Variants in TPTE observed in about 807,000 individuals in gnomAD.
TPTE encodes the protein transmembrane phosphatase with tensin homology.
Under a neutral mutation model 84.1 loss-of-function variants are expected in TPTE, and 59 were observed. That is an observed-to-expected ratio of 0.70 (90% CI 0.57 to 0.87). TPTE has a LOEUF of 0.87. TPTE is among the 40% of genes least tolerant of loss of function. The pLI is 0.00. For missense variants in TPTE, 382 were observed against 659.6 expected (o/e 0.58, Z 4.61); for synonymous variants, 130 against 223.5 (o/e 0.58, Z 3.73).
chr21:10,550,724 T>TG (rs2074557048), intron 7 of TPTE, among the ~76,000 whole-genome samples: 1 of 152,298 alleles, frequency 6.6e-6, no homozygotes, highest in African/African-American at 2.4e-5. Flanking sequence ...ACATCAGACT[T>TG]AAACTCCACC....
chr21:10,549,990 A>G (rs376674364), intron 7 of TPTE, among the ~76,000 whole-genome samples: 11 of 152,422 alleles, frequency 7.2e-5, no homozygotes, highest in African/African-American at 2.4e-4. Context: ...ACCTTAGGCT[A>G]GAAGAGAATG....
chr21:10,548,455 C>G (rs371060881), intron 7 of TPTE, among the ~76,000 whole-genome samples: 1 of 152,300 alleles, frequency 6.6e-6, no homozygotes, highest in Non-Finnish European at 1.5e-5. Context: ...TTAGGCCAGC[C>G]GAGCAGCCTC....
intron 13 of TPTE, 114 bp downstream of exon 13, chr21:10,569,860 A>AT: frequency 6.2e-7 from 1 of 1,604,650 alleles, no homozygotes; most frequent in Admixed American, 1.7e-5. Flanking sequence ...ATTCATGAGG[A>AT]TATATGCTAC....
chr21:10,540,206 GGA>G, intron 4 of TPTE, among the ~76,000 whole-genome samples: 1 of 152,308 alleles, frequency 6.6e-6, no homozygotes, highest in African/African-American at 2.4e-5. Context: ...GTGATACCAA[GGA>G]ATACAGTTAT....
chr21:10,528,657 C>G (rs1336764238), intron 3 of TPTE, among the ~76,000 whole-genome samples: 2 of 152,308 alleles, frequency 1.3e-5, no homozygotes. Context: ...TTGTGTTATA[C>G]TCAGAAAGTT....
intron 3 of TPTE, among the ~76,000 whole-genome samples, chr21:10,527,640 C>T (rs1436321110): frequency 6.6e-6 from 1 of 152,306 alleles, no homozygotes; most frequent in South Asian, 2.1e-4. Flanking sequence ...ATGAGACTCT[C>T]TTCAAGAGTG....
intron 17 of TPTE, among the ~76,000 whole-genome samples, chr21:10,584,257 A>G (rs2075321754): frequency 6.6e-6 from 1 of 151,306 alleles, no homozygotes; most frequent in Non-Finnish European, 1.5e-5. Context: ...TAAAATGTTT[A>G]TTTTCTAAAT....
intron 8 of TPTE, among the ~76,000 whole-genome samples, chr21:10,557,596 C>A (rs1400319316): frequency 6.6e-6 from 1 of 152,306 alleles, no homozygotes; most frequent in East Asian, 1.9e-4. Flanking sequence ...CCTCTTTTGG[C>A]CAATTGATCC....
chr21:10,536,800 C>T (rs1294109542), intron 3 of TPTE, among the ~76,000 whole-genome samples: 5 of 152,422 alleles, frequency 3.3e-5, no homozygotes, highest in Middle Eastern at 3.4e-3. Context: ...GTCTTGTCAC[C>T]CTTAGTAGCA....
At chr21:10,579,673 T>A (rs2075236531) in intron 17 of TPTE, among the ~76,000 whole-genome samples, 1 of 152,310 alleles carries the variant, frequency 6.6e-6, no homozygotes. Flanking sequence ...TCACTTAACA[T>A]AATGTTCTCC....
chr21:10,529,507 T>C (rs2074139840), intron 3 of TPTE, among the ~76,000 whole-genome samples: 1 of 152,282 alleles, frequency 6.6e-6, no homozygotes, highest in Non-Finnish European at 1.5e-5. Flanking sequence ...TTTCTTATTG[T>C]TAAGTTATTC....
chr21:10,526,332 G>A (rs1459470557), intron 2 of TPTE, among the ~76,000 whole-genome samples: 1 of 152,306 alleles, frequency 6.6e-6, no homozygotes, highest in African/African-American at 2.4e-5. Flanking sequence ...CAATATTAAT[G>A]TCTATCTGTG....
At chr21:10,579,139 T>C (rs958553678) in intron 17 of TPTE, among the ~76,000 whole-genome samples, 2 of 152,310 alleles carry the variant, frequency 1.3e-5, no homozygotes, top group Non-Finnish European at 2.9e-5. Flanking sequence ...AATTTTCAAG[T>C]ATACATTATT....
At chr21:10,564,912 A>T (rs1228429288) in intron 10 of TPTE, among the ~76,000 whole-genome samples, 1 of 152,310 alleles carries the variant, frequency 6.6e-6, no homozygotes, top group Non-Finnish European at 1.5e-5. Flanking sequence ...TGGGGAAAAA[A>T]TGAAAAGCTT....
intron 3 of TPTE, among the ~76,000 whole-genome samples, chr21:10,538,185 C>T (rs1220528224): frequency 6.6e-6 from 1 of 152,312 alleles, no homozygotes. Context: ...ATGTTTTTGA[C>T]CCTGCAGAAC....
At chr21:10,543,695 G>A (rs1450715217) in intron 7 of TPTE, among the ~76,000 whole-genome samples, 1 of 151,994 alleles carries the variant, frequency 6.6e-6, no homozygotes, top group Non-Finnish European at 1.5e-5. Context: ...AGGTCAGTTC[G>A]TAGGAGAGCT....
At chr21:10,572,943 C>T (rs1403142386) in intron 14 of TPTE, among the ~76,000 whole-genome samples, 6 of 152,306 alleles carry the variant, frequency 3.9e-5, no homozygotes, top group African/African-American at 1.2e-4. Flanking sequence ...TACAAAACAA[C>T]CAGAAAAAAA....
chr21:10,550,884 T>C (rs539014029), intron 7 of TPTE, among the ~76,000 whole-genome samples: 2 of 152,430 alleles, frequency 1.3e-5, no homozygotes, highest in East Asian at 1.9e-4. Flanking sequence ...TTTTTAAAAA[T>C]TGAAATTCTA....
intron 23 of TPTE, 102 bp from the exon 24 acceptor site, chr21:10,605,315 G>C (rs1298470725): frequency 3.5e-6 from 5 of 1,445,988 alleles, no homozygotes; most frequent in Non-Finnish European, 4.6e-6. Flanking sequence ...TATTCATGGT[G>C]AGGTTCTTTT....
Sources: gnomAD v4.1 joint callset for allele counts (sites outside exome capture counted in the v4.1 genomes callset) on GRCh38, gnomAD v4.1.1 for gene constraint, MANE v1.5 for transcripts, NCBI Gene and HGNC (gene_info 2026-07-23, HGNC 2026-07-21) for gene names.